Variants in WAC observed in about 807,000 individuals in gnomAD.
WAC encodes the protein WW domain-containing adapter protein with coiled-coil.
A neutral mutation model predicts 79.6 loss-of-function variants in WAC; 11 were observed. The observed-to-expected ratio is 0.14, with a 90% CI of 0.09 to 0.23. The LOEUF (loss-of-function observed/expected upper bound fraction) is 0.23. WAC is among the 10% of genes least tolerant of loss of function. The pLI is 1.00. For synonymous variants in WAC, 304 were observed against 276.9 expected (o/e 1.10, Z -0.97); for missense variants, 728 against 773.5 (o/e 0.94, Z 0.70).
Position 28,547,364 on chromosome 10 carries a change from G to A in WAC, c.274+11607G>A, listed in dbSNP as rs187841381. 9.8e-3 allele frequency among the ~76,000 whole-genome samples: 1,485 copies of A among 152,072 alleles called. 59 individuals carry two copies. The highest frequency in any genetic ancestry group is 0.076 in the Admixed American group (1,156 of 15,270). ...AGCCTGGCCAACATGGTGAAACCCC[G>A]TCTCTACTAAAAATACAAAAATTAG... is the stretch of plus-strand genomic sequence containing the variant. On this transcript the variant is annotated intron_variant, in intron 3 of 13. Coordinates refer to ENST00000354911, the MANE Select transcript of WAC (RefSeq NM_016628.5).
At chr10:28,600,682 C>T (rs971591980) in intron 7 of WAC, among the ~76,000 whole-genome samples, 6 of 151,816 alleles carry the variant, frequency 4.0e-5, no homozygotes, top group African/African-American at 1.5e-4. Context: ...TTCATCAAGA[C>T]CCAAAATGGA....
At chr10:28,611,407 G>A (rs1267201107) in intron 9 of WAC, 7 of 1,306,224 alleles carry the variant, frequency 5.4e-6, no homozygotes, top group Non-Finnish European at 7.0e-6. Flanking sequence ...GCAACCCTCT[G>A]GCTAGCCTCA....
chr10:28,608,064 T>C, intron 7 of WAC, 122 bp from the exon 8 acceptor site: 1 of 1,027,204 alleles, frequency 9.7e-7, no homozygotes. Context: ...TGTGCTCCAG[T>C]GTGTAAGGGT....
intron 4 of WAC, among the ~76,000 whole-genome samples, chr10:28,585,458 G>A (rs1201113110): frequency 2.0e-5 from 3 of 152,126 alleles, no homozygotes; most frequent in African/African-American, 7.2e-5. Context: ...ATCAAAGGGT[G>A]GGACTGGGAC....
chr10:28,591,128 G>C, intron 6 of WAC: 1 of 289,022 alleles, frequency 3.5e-6, no homozygotes, highest in Non-Finnish European at 6.5e-6. Flanking sequence ...CCAGACAGGA[G>C]CTTCCTCTCC....
At chr10:28,571,498 A>G (rs918199549) in intron 3 of WAC, among the ~76,000 whole-genome samples, 2 of 151,940 alleles carry the variant, frequency 1.3e-5, no homozygotes, top group Admixed American at 6.5e-5. Flanking sequence ...GTACTTTCCT[A>G]CTTTTATGCT....
rs1019263852 is a variant in WAC at position 28,559,620 on chromosome 10, G to C, written c.275-23779G>C. 7.9e-5 allele frequency among the ~76,000 whole-genome samples: 12 copies of C among 152,292 alleles called. No individual in the cohort carries two copies. In the South Asian group the frequency reaches 2.5e-3, roughly 32 times the overall value. Reference sequence around the variant, plus strand: ...GAAACAAGGAGTGGGCTGATACAAGGATGTTTGATGGCAGTTCCCACTGGT... The same window carrying C: ...GAAACAAGGAGTGGGCTGATACAAGCATGTTTGATGGCAGTTCCCACTGGT... On this transcript the variant is annotated intron_variant, in intron 3 of 13. Coordinates refer to ENST00000354911, the MANE Select transcript of WAC (RefSeq NM_016628.5).
At chr10:28,617,859 CA>C in intron 13 of WAC, 75 bp downstream of exon 13, 1 of 1,442,182 alleles carries the variant, frequency 6.9e-7, no homozygotes, top group Non-Finnish European at 9.2e-7. Flanking sequence ...GAATGTAAAT[CA>C]CATTTTATTT....
chr10:28,595,154 C>A (rs1283978099), intron 6 of WAC, among the ~76,000 whole-genome samples: 1 of 152,182 alleles, frequency 6.6e-6, no homozygotes, highest in African/African-American at 2.4e-5. Context: ...GGTTTACTTA[C>A]TGTGTTCACA....
chr10:28,616,171 A>C lies in WAC; in HGVS notation c.1557-2A>C. The C allele has an allele frequency of 6.3e-7, 1 of 1,581,134 alleles. No individual in the cohort carries two copies. The highest frequency in any genetic ancestry group is 8.6e-7 in the Non-Finnish European group (1 of 1,159,238). On this transcript the variant is annotated splice_acceptor_variant, in intron 11 of 13. Coordinates refer to ENST00000354911, the MANE Select transcript of WAC (RefSeq NM_016628.5). LOFTEE classifies it high-confidence loss of function. ...TACTACACATTCAATTCTGTTTTCT[A>C]GTAGCCAGAGAAGTCCATCACCTGG...
intron 3 of WAC, among the ~76,000 whole-genome samples, chr10:28,539,720 G>A (rs965193725): frequency 2.0e-5 from 3 of 152,004 alleles, no homozygotes; most frequent in East Asian, 3.9e-4. Flanking sequence ...CATCATGCCC[G>A]GCTAATTTTT....
chr10:28,619,654 G>A lies in WAC; in HGVS notation c.*48G>A. 2 of 1,479,690 alleles carry A rather than the reference G, an allele frequency of 1.4e-6. No individual in the cohort carries two copies. The highest frequency in any genetic ancestry group is 2.5e-5 in the East Asian group (1 of 40,212). The allele number at this position is 1,479,690 out of a possible 1,614,324, so 91.7% of individuals were successfully genotyped here. On this transcript the variant is annotated 3_prime_UTR_variant, in exon 14 of 14. Transcript: ENST00000354911. ...TTTTGAGAACAGGAACTGTAAATCT[G>A]TTGCCCAATCTTAACATTTTTGAGC...
chr10:28,585,597 G>C (rs1218880115), intron 4 of WAC, among the ~76,000 whole-genome samples: 3 of 151,442 alleles, frequency 2.0e-5, no homozygotes, highest in Non-Finnish European at 4.4e-5. Flanking sequence ...GTGGGGAGAA[G>C]GGGGGGCAAA....
chr10:28,590,088 A>G (rs533632935), intron 5 of WAC, among the ~76,000 whole-genome samples: 138 of 152,304 alleles, frequency 9.1e-4, no homozygotes, highest in Admixed American at 4.2e-3. Flanking sequence ...TGGGAGGCCA[A>G]GACGGGAGGA....
chr10:28,592,038 A>G (rs1840118012), intron 6 of WAC, among the ~76,000 whole-genome samples: 1 of 151,812 alleles, frequency 6.6e-6, no homozygotes, highest in Non-Finnish European at 1.5e-5. Flanking sequence ...GGGAGAAAAT[A>G]TTTAAGATGA....
intron 3 of WAC, among the ~76,000 whole-genome samples, chr10:28,561,751 C>T (rs766125326): frequency 6.6e-6 from 1 of 152,148 alleles, no homozygotes; most frequent in Non-Finnish European, 1.5e-5. Context: ...GCATTGGAGC[C>T]GGAGTTCCGC....
intron 3 of WAC, among the ~76,000 whole-genome samples, chr10:28,557,764 T>C (rs1838073518): frequency 6.6e-6 from 1 of 152,102 alleles, no homozygotes; most frequent in East Asian, 1.9e-4. Context: ...TGGATAGATT[T>C]TGATAGATGT....
chr10:28,533,719 G>A, intron 1 of WAC, 99 bp downstream of exon 1: 1 of 1,331,522 alleles, frequency 7.5e-7, no homozygotes, highest in South Asian at 1.3e-5. Context: ...CATTTTTGTT[G>A]TTAACCCTGA....
intron 3 of WAC, among the ~76,000 whole-genome samples, chr10:28,578,625 T>C (rs1438771437): frequency 2.0e-5 from 3 of 152,148 alleles, no homozygotes; most frequent in Non-Finnish European, 2.9e-5. Flanking sequence ...TGGAAGGGCA[T>C]TGTAATTGCT....
Sources: gnomAD v4.1 joint callset for allele counts (sites outside exome capture counted in the v4.1 genomes callset) on GRCh38, gnomAD v4.1.1 for gene constraint, MANE v1.5 for transcripts, NCBI Gene and HGNC (gene_info 2026-07-23, HGNC 2026-07-21) for gene names.